Variants in UNC5D observed in about 807,000 individuals in gnomAD.
The protein encoded by UNC5D is unc-5 netrin receptor D, also known as netrin receptor UNC5D.
UNC5D carries 39 observed loss-of-function variants against 105.4 expected under a neutral mutation model. That is an observed-to-expected ratio of 0.37 (90% CI 0.29 to 0.48). UNC5D has a LOEUF of 0.48. UNC5D is among the 20% of genes least tolerant of loss of function. The pLI is 0.98. For missense variants in UNC5D, 991 were observed against 1,202.4 expected (o/e 0.82, Z 2.60); for synonymous variants, 452 against 450.4 (o/e 1.00, Z -0.04).
At chr8:35,521,032 T>C in intron 1 of UNC5D, among the ~76,000 whole-genome samples, 1 of 152,134 alleles carries the variant, frequency 6.6e-6, no homozygotes, top group Non-Finnish European at 1.5e-5. Flanking sequence ...CCTTTTTCAC[T>C]CAAGAGACTG....
intron 1 of UNC5D, among the ~76,000 whole-genome samples, chr8:35,416,964 A>G (rs1249056512): frequency 1.3e-5 from 2 of 152,196 alleles, no homozygotes; most frequent in African/African-American, 4.8e-5. Flanking sequence ...TTGTGGGTAC[A>G]TAGTAGATGT....
At chr8:35,370,745 A>G (rs973730744) in intron 1 of UNC5D, among the ~76,000 whole-genome samples, 2 of 152,206 alleles carry the variant, frequency 1.3e-5, no homozygotes, top group African/African-American at 4.8e-5. Flanking sequence ...TGCCACAACA[A>G]TGGTTGTAGT....
At chr8:35,339,697 A>G (rs954528745) in intron 1 of UNC5D, among the ~76,000 whole-genome samples, 2 of 152,196 alleles carry the variant, frequency 1.3e-5, no homozygotes, top group South Asian at 2.1e-4. Context: ...CCAGGTTCCA[A>G]TGCTCAGCTC....
At chr8:35,610,580 G>A (rs991665425) in intron 4 of UNC5D, among the ~76,000 whole-genome samples, 15 of 152,274 alleles carry the variant, frequency 9.9e-5, no homozygotes, top group Admixed American at 2.0e-4. Flanking sequence ...GCACAGGTTT[G>A]ATGCTATCCT....
chr8:35,622,753 C>A (rs955659057), intron 4 of UNC5D, among the ~76,000 whole-genome samples: 6 of 152,142 alleles, frequency 3.9e-5, no homozygotes, highest in Non-Finnish European at 7.4e-5. Flanking sequence ...TGTTTATTCT[C>A]ACCTTGTAAT....
intron 1 of UNC5D, among the ~76,000 whole-genome samples, chr8:35,428,968 A>G (rs1171367575): frequency 6.6e-6 from 1 of 152,142 alleles, no homozygotes; most frequent in African/African-American, 2.4e-5. Context: ...CGTCATTGAG[A>G]AAATGGGAGA....
At chr8:35,379,389 C>T (rs1190292028) in intron 1 of UNC5D, among the ~76,000 whole-genome samples, 3 of 152,118 alleles carry the variant, frequency 2.0e-5, no homozygotes, top group Non-Finnish European at 4.4e-5. Context: ...TCCTGAGCCC[C>T]GCAAGTTGGA....
At chr8:35,571,265 T>C (rs1434617153) in intron 3 of UNC5D, among the ~76,000 whole-genome samples, 1 of 152,200 alleles carries the variant, frequency 6.6e-6, no homozygotes, top group African/African-American at 2.4e-5. Context: ...CTCTTCTGTA[T>C]CTGTATCAAA....
At chr8:35,367,049 T>TA (rs1438672430) in intron 1 of UNC5D, among the ~76,000 whole-genome samples, 2 of 152,198 alleles carry the variant, frequency 1.3e-5, no homozygotes, top group African/African-American at 4.8e-5. Context: ...GCAGATCTCT[T>TA]AAAATCATAC....
chr8:35,779,527 C>G (rs146974718), intron 16 of UNC5D, among the ~76,000 whole-genome samples: 36 of 152,164 alleles, frequency 2.4e-4, no homozygotes, highest in African/African-American at 8.7e-4. Flanking sequence ...GGCACAATCT[C>G]GGCTTACTGC....
chr8:35,275,128 T>TA (rs1467186208), intron 1 of UNC5D, among the ~76,000 whole-genome samples: 2,652 of 149,074 alleles, frequency 0.018, 39 homozygotes, highest in Non-Finnish European at 0.023. Context: ...ATATATATTT[T>TA]TATATATATA....
At chr8:35,567,958 A>T in intron 2 of UNC5D, 140 bp from the exon 3 acceptor site, 1 of 1,300,578 alleles carries the variant, frequency 7.7e-7, no homozygotes, top group Non-Finnish European at 1.1e-6. Context: ...GTAATATATT[A>T]TTGTCAAAGT....
intron 1 of UNC5D, among the ~76,000 whole-genome samples, chr8:35,378,565 G>A (rs1802838764): frequency 1.3e-5 from 2 of 152,176 alleles, no homozygotes; most frequent in African/African-American, 2.4e-5. Context: ...TCCTGCCAGA[G>A]GTGTGAATCA....
chr8:35,584,649 C>G (rs1021745540), intron 3 of UNC5D, among the ~76,000 whole-genome samples: 5 of 151,942 alleles, frequency 3.3e-5, no homozygotes, highest in Non-Finnish European at 5.9e-5. Context: ...GAGGGTCTCA[C>G]TGTGTGGCCC....
intron 1 of UNC5D, among the ~76,000 whole-genome samples, chr8:35,447,834 A>G (rs954800819): frequency 6.6e-6 from 1 of 152,062 alleles, no homozygotes; most frequent in Non-Finnish European, 1.5e-5. Context: ...ATTTCCTCCT[A>G]TTCTTTGCTT....
chr8:35,646,527 T>C (rs1823061257), intron 4 of UNC5D, among the ~76,000 whole-genome samples: 1 of 152,126 alleles, frequency 6.6e-6, no homozygotes, highest in Non-Finnish European at 1.5e-5. Context: ...TGGGCTCCTG[T>C]GTCATGTTTG....
intron 1 of UNC5D, among the ~76,000 whole-genome samples, chr8:35,387,564 A>T (rs1803490466): frequency 6.6e-6 from 1 of 152,162 alleles, no homozygotes; most frequent in Non-Finnish European, 1.5e-5. Context: ...TTCAGTAAAT[A>T]AGAGATAGCA....
chr8:35,322,619 TA>T (rs1172164979), intron 1 of UNC5D, among the ~76,000 whole-genome samples: 1 of 152,202 alleles, frequency 6.6e-6, no homozygotes, highest in African/African-American at 2.4e-5. Context: ...GAGGATTTAA[TA>T]ATGATGTGAA....
chr8:35,265,005 C>T (rs1390189001), intron 1 of UNC5D, among the ~76,000 whole-genome samples: 1 of 152,138 alleles, frequency 6.6e-6, no homozygotes, highest in East Asian at 1.9e-4. Flanking sequence ...ATAACGCAAA[C>T]CGCAAATGAA....
Sources: gnomAD v4.1 joint callset for allele counts (sites outside exome capture counted in the v4.1 genomes callset) on GRCh38, gnomAD v4.1.1 for gene constraint, MANE v1.5 for transcripts, NCBI Gene and HGNC (gene_info 2026-07-23, HGNC 2026-07-21) for gene names.